FLT4: variants seen among roughly 807,000 people sequenced by gnomAD.
FLT4 encodes vascular endothelial growth factor receptor 3.
In FLT4, 30 loss-of-function variants were observed where a neutral mutation model predicts 163.2. The observed-to-expected ratio is 0.18, with a 90% confidence interval of 0.14 to 0.25. The LOEUF (loss-of-function observed/expected upper bound fraction) is 0.25, where lower values mean the gene tolerates loss of function less well. Ranked by LOEUF, FLT4 falls within the 10% of genes least tolerant of loss-of-function variation. The probability of loss-of-function intolerance (pLI) is 1.00; values close to 1 mark genes in which losing one functional copy is unlikely to be tolerated. For missense variants in FLT4, 1,510 were observed against 1,863.8 expected, an observed-to-expected ratio of 0.81 and a Z score of 3.50; for synonymous variants, 884 against 789.5, an observed-to-expected ratio of 1.12 and a Z score of -2.01.
intron 1 of FLT4, 54 bp downstream of exon 1, chr5:180,649,434 C>T: frequency 7.4e-7 from 1 of 1,346,470 alleles, no homozygotes; most frequent in Non-Finnish European, 9.9e-7. Flanking sequence ...GTGCGCGGTA[C>T]CCCCTCCCCG....
chr5:180,626,023 G>T lies in FLT4; in HGVS notation c.1267C>A (p.Gln423Lys), dbSNP rs368621289. The T allele has an allele frequency of 2.2e-5, 36 of 1,612,386 alleles. No homozygotes were observed. The highest frequency in any genetic ancestry group is 2.0e-4 in the Admixed American group (12 of 59,994). The change falls in exon 10 of 30, where the codon CAG (glutamine) becomes AAG (lysine). Residue 423 changes from glutamine (Q) to lysine (K), a missense_variant. Gln to Lys is a moderately conservative substitution (Grantham distance 53). Around this residue, in one of 5 missense-constraint regions of FLT4, gnomAD observed 878 missense variants for 1,016.7 expected, o/e 0.86. Transcript: ENST00000261937. Reference protein sequence around the residue: ...SLELVVNVPPQIHEKEASSPS... With the variant: ...SLELVVNVPPKIHEKEASSPS... ...GAGGAGGCCTCCTTCTCATGTATCT[G>T]GGGGGGCACTGTGGGCACACAGATG...
chr5:180,611,245 T>TC, intron 27 of FLT4, 86 bp downstream of exon 27: 2 of 1,467,470 alleles, frequency 1.4e-6, no homozygotes, highest in Non-Finnish European at 1.9e-6. Context: ...CATGATTTGC[T>TC]TTTCCCCGAT....
At chr5:180,615,500 G>T (rs866689079) in intron 23 of FLT4, among the ~76,000 whole-genome samples, 25 of 72,104 alleles carry the variant, frequency 3.5e-4, no homozygotes, top group Middle Eastern at 0.011. Context: ...GAGCACTGGG[G>T]CCCCGCCGGT....
chr5:180,644,878 A>C (rs1221780426), intron 1 of FLT4, among the ~76,000 whole-genome samples: 2 of 152,238 alleles, frequency 1.3e-5, no homozygotes, highest in East Asian at 3.8e-4. Flanking sequence ...TGAAAGTCTG[A>C]GGCACACTGT....
Position 180,642,186 on chromosome 5 carries a change from G to A in FLT4, c.58+7302C>T, listed in dbSNP as rs181301264. ...CGCGCCACTGCACTCCAGCTTGGGC[G>A]ACAGAGTGAGACTCTGTGTGAAAAA... On this transcript the variant is annotated intron_variant, in intron 1 of 29. Transcript: ENST00000261937. Among the ~76,000 whole-genome samples the A allele has an allele frequency of 5.2e-3, 779 of 149,672 alleles. 8 individuals carry two copies. Among genetic ancestry groups the A allele is most frequent in the African/African-American group, 0.017 (704 of 40,666 alleles).
intron 28 of FLT4, 68 bp downstream of exon 28, chr5:180,609,837 C>A (rs748651988): frequency 1.9e-6 from 3 of 1,589,054 alleles, no homozygotes; most frequent in Non-Finnish European, 2.6e-6. Flanking sequence ...GAATTCCTGA[C>A]GCTGCCTCCC....
At chr5:180,613,228 A>C in intron 24 of FLT4, 118 bp from the exon 25 acceptor site, 4 of 678,546 alleles carry the variant, frequency 5.9e-6, no homozygotes, top group South Asian at 1.9e-5. Context: ...CCCTTTCCCC[A>C]TCCGTGGTGG....
rs890163740 is a variant in FLT4 at position 180,602,059 on chromosome 5, G to A, written c.*1133C>T. 2 of 233,388 alleles carry A rather than the reference G, an allele frequency of 8.6e-6. No individual in the cohort carries two copies. Among genetic ancestry groups the A allele is most frequent in the African/African-American group, 4.4e-5 (2 of 45,358 alleles). 14.5% of individuals were successfully genotyped at this position (233,388 alleles called of 1,614,324 possible). A position where few individuals can be genotyped will look rare whatever the true frequency, so the allele number is the denominator to read the frequency against. ...CAGGGGATCTCTCGGCTGCTCCTCT[G>A]GGAGGGCGGCATTCTGACCAGCCAG... On this transcript the variant is annotated 3_prime_UTR_variant, in exon 30 of 30. Coordinates refer to ENST00000261937, the MANE Select transcript of FLT4 (RefSeq NM_182925.5).
rs532618576 is a variant in FLT4, at chr5:180,603,676, G to A, written c.3894-286C>T. Among the ~76,000 whole-genome samples the A allele has an allele frequency of 3.1e-3, 466 of 152,282 alleles. 4 individuals carry two copies. Among genetic ancestry groups the A allele is most frequent in the African/African-American group, 0.011 (444 of 41,566 alleles). On this transcript the variant is annotated intron_variant, in intron 29 of 29. Coordinates refer to ENST00000261937, the MANE Select transcript of FLT4 (RefSeq NM_182925.5). The stretch of plus-strand genomic sequence containing the variant: ...CAGCACTTTGCTGGGAGACCGAGGC[G>A]GGCGGATCACGAGGTCAGGAGATCG...
intron 27 of FLT4, among the ~76,000 whole-genome samples, chr5:180,610,382 G>A (rs972702569): frequency 2.0e-5 from 3 of 152,262 alleles, no homozygotes; most frequent in Admixed American, 6.5e-5. Context: ...TGCCCTGCCC[G>A]TACGTGGGTG....
At chr5:180,642,567 C>T (rs547137631) in intron 1 of FLT4, among the ~76,000 whole-genome samples, 2 of 152,136 alleles carry the variant, frequency 1.3e-5, no homozygotes, top group Non-Finnish European at 2.9e-5. Context: ...CTCTCTCTCT[C>T]GATGGTGGCA....
At chr5:180,632,212 C>T (rs955096378) in intron 1 of FLT4, among the ~76,000 whole-genome samples, 1 of 143,292 alleles carries the variant, frequency 7.0e-6, no homozygotes, top group Non-Finnish European at 1.6e-5. Flanking sequence ...AGGGTCCGCA[C>T]ATCCCAGGTC....
chr5:180,615,831 GGTCAC>G (rs1762637728), intron 23 of FLT4, among the ~76,000 whole-genome samples: 1 of 35,492 alleles, frequency 2.8e-5, no homozygotes. Context: ...TGGGCCTGCC[GGTCAC>G]CTCCCTTCTC....
At position 180,620,937 on chromosome 5, in the gene FLT4, A is replaced by G; in HGVS notation, c.2238T>C (p.Tyr746=). Reference sequence around the variant, plus strand: ...CCTTGGCGTTGCACACGCTGCACAGATAGCGTCCCGCATCCTCCTCGCGCA... The same window carrying G: ...CCTTGGCGTTGCACACGCTGCACAGGTAGCGTCCCGCATCCTCCTCGCGCA... The part of the protein sequence containing the change: ...QRVREEDAGR[Y]LCSVCNAKGC... Residue 746 remains tyrosine, a synonymous_variant, in exon 15 of 30, where the codon TAT becomes TAC. Coordinates refer to ENST00000261937, the MANE Select transcript of FLT4 (RefSeq NM_182925.5). The surrounding 1 kb of genome is among the most constrained non-coding windows in gnomAD (Gnocchi z 4.4). 6.2e-7 allele frequency: 1 copy of G among 1,610,694 alleles called. No individual in the cohort carries two copies. Among genetic ancestry groups the G allele is most frequent in the Non-Finnish European group, 8.5e-7 (1 of 1,178,900 alleles).
chr5:180,631,670 G>A lies in FLT4; in HGVS notation c.155+12C>T. 6.2e-7 allele frequency: 1 copy of A among 1,600,274 alleles called. No individual in the cohort carries two copies. The highest frequency in any genetic ancestry group is 2.2e-5 in the East Asian group (1 of 44,802). On this transcript the variant is annotated intron_variant, in intron 2 of 29. Transcript: ENST00000261937. ...GCCTCTCTGGCCTGCCAGTGGGAGAGGGACCCAGTACCTGCAGGAGATGGA... is the reference window on the plus strand; with the variant it reads ...GCCTCTCTGGCCTGCCAGTGGGAGAAGGACCCAGTACCTGCAGGAGATGGA...
intron 2 of FLT4, among the ~76,000 whole-genome samples, chr5:180,631,221 C>T (rs920429249): frequency 6.6e-6 from 1 of 152,038 alleles, no homozygotes; most frequent in African/African-American, 2.4e-5. Context: ...CGCCTGTAAT[C>T]CCAGCACTTT....
Position 180,620,568 on chromosome 5 carries a change from G to T in FLT4, c.2406+41C>A. 1 of 1,455,680 alleles carries T rather than the reference G, an allele frequency of 6.9e-7. No homozygotes were observed. Among genetic ancestry groups the T allele is most frequent in the Non-Finnish European group, 9.6e-7 (1 of 1,037,502 alleles). The allele number at this position is 1,455,680 out of a possible 1,614,324, so 90.2% of individuals were successfully genotyped here. On this transcript the variant is annotated intron_variant, in intron 16 of 29. Transcript: ENST00000261937. The surrounding 1 kb of genome is among the most constrained non-coding windows in gnomAD (Gnocchi z 4.4). ...CTTAGGGGCGGCCAGGGTGGGGAAGGCCTGAGAGAGACTCCATCAGGAGCG... is the reference window on the plus strand; with the variant it reads ...CTTAGGGGCGGCCAGGGTGGGGAAGTCCTGAGAGAGACTCCATCAGGAGCG...
chr5:180,608,940 C>A, intron 29 of FLT4, 28 bp downstream of exon 29: 1 of 1,573,482 alleles, frequency 6.4e-7, no homozygotes. Context: ...TCGATACCTG[C>A]AGTGCAGGAG....
chr5:180,628,436 C>T (rs746757222), intron 8 of FLT4, among the ~76,000 whole-genome samples: 2 of 152,214 alleles, frequency 1.3e-5, no homozygotes, highest in Non-Finnish European at 2.9e-5. Flanking sequence ...CAGCACAGGC[C>T]CAGCCCAGGC....
Sources: allele counts gnomAD v4.1 joint callset (sites outside exome capture counted in the v4.1 genomes callset), GRCh38; gene constraint gnomAD v4.1.1; regional missense constraint gnomAD v4.1.1; non-coding constraint Gnocchi (gnomAD v3.1); transcripts MANE v1.5; gene names NCBI Gene and HGNC (gene_info 2026-07-23, HGNC 2026-07-21).